CCDC85C: variants seen among roughly 807,000 people sequenced by gnomAD.
CCDC85C encodes the protein coiled-coil domain containing 85C.
A neutral mutation model predicts 38.3 loss-of-function variants in CCDC85C; 18 were observed. That is an observed-to-expected ratio of 0.47 (90% CI 0.33 to 0.70). The LOEUF is 0.70. Ranked by LOEUF, CCDC85C falls within the 30% of genes least tolerant of loss-of-function variation. The pLI is 0.03. For missense variants in CCDC85C, 566 were observed against 621.2 expected (o/e 0.91, Z 0.94); for synonymous variants, 264 against 293.8 (o/e 0.90, Z 1.04).
intron 1 of CCDC85C, among the ~76,000 whole-genome samples, chr14:99,602,049 T>G (rs2055204364): frequency 6.6e-6 from 1 of 152,130 alleles, no homozygotes; most frequent in African/African-American, 2.4e-5. Context: ...TTCTCTGAAT[T>G]AGGAAAGGCT....
rs1473138511 is a variant in CCDC85C at position 99,603,797 on chromosome 14, C to T, written c.163G>A (p.Asp55Asn). 19 of 1,525,580 alleles carry T rather than the reference C, an allele frequency of 1.2e-5. No individual in the cohort carries two copies. The highest frequency in any genetic ancestry group is 1.6e-5 in the Non-Finnish European group (18 of 1,142,476). 94.5% of individuals were successfully genotyped at this position (1,525,580 alleles called of 1,614,324 possible). ...LMLEHGGLMR[D>N]VNRRLQQHLL... ...TGCTGCTGCAGCCGCCGGTTCACGT[C>T]GCGCATCAGGCCGCCGTGCTCCAGC... The change falls in exon 1 of 6, where the codon GAC becomes AAC. Residue 55 changes from aspartate to asparagine, a missense_variant. Around this residue, in one of 3 missense-constraint regions of CCDC85C, gnomAD observed 269 missense variants for 308.2 expected, o/e 0.87. Coordinates refer to ENST00000380243, the MANE Select transcript of CCDC85C (RefSeq NM_001144995.2). This position sits in a 1 kb window ranked among gnomAD's most constrained non-coding sequence, Gnocchi z 7.5.
Position 99,503,831 on chromosome 14 carries a change from C to A in CCDC85C, c.*11415G>T. The A allele has an allele frequency of 1.7e-6, 1 of 591,080 alleles. No individual in the cohort carries two copies. 36.6% of individuals were successfully genotyped at this position (591,080 alleles called of 1,614,324 possible). Reference sequence around the variant, plus strand: ...TGATCATAGATTCTAAAATTGTGCTCTTACGAAGCTATCAGTACAGAAAAC... The same window carrying A: ...TGATCATAGATTCTAAAATTGTGCTATTACGAAGCTATCAGTACAGAAAAC... On this transcript the variant is annotated 3_prime_UTR_variant, in exon 6 of 6. Transcript: ENST00000380243.
At chr14:99,554,397 C>G (rs935920636) in intron 1 of CCDC85C, among the ~76,000 whole-genome samples, 3 of 152,244 alleles carry the variant, frequency 2.0e-5, no homozygotes, top group Non-Finnish European at 4.4e-5. Flanking sequence ...CCCGGCACAG[C>G]AGAAAGCCTG....
At chr14:99,549,828 A>T (rs972649214) in intron 1 of CCDC85C, among the ~76,000 whole-genome samples, 1 of 152,248 alleles carries the variant, frequency 6.6e-6, no homozygotes, top group African/African-American at 2.4e-5. Context: ...GGGAGGACAC[A>T]TTCTTCCAGC....
intron 1 of CCDC85C, among the ~76,000 whole-genome samples, chr14:99,602,354 C>G (rs1162143084): frequency 1.3e-5 from 2 of 152,290 alleles, no homozygotes; most frequent in East Asian, 1.9e-4. Flanking sequence ...AAAGTTCCTC[C>G]CACCCACACC....
intron 1 of CCDC85C, among the ~76,000 whole-genome samples, chr14:99,555,221 G>A (rs1049371171): frequency 6.6e-6 from 1 of 152,326 alleles, no homozygotes; most frequent in East Asian, 1.9e-4. Context: ...ACTGCCCCAA[G>A]CCAACTCCTG....
chr14:99,510,426 C>G lies in CCDC85C; in HGVS notation c.*4820G>C, dbSNP rs1331644229. On this transcript the variant is annotated 3_prime_UTR_variant, in exon 6 of 6. Transcript: ENST00000380243. The stretch of plus-strand genomic sequence containing the variant: ...GGGACCCTCCTACGGTGCCCTGCCC[C>G]CCGCCTACGGCCCACCTGCACACCT... The G allele has an allele frequency of 6.5e-7, 1 of 1,548,210 alleles. No homozygotes were observed.
rs1896886390 is a variant in CCDC85C at position 99,503,277 on chromosome 14, C to A, written c.*11969G>T. On this transcript the variant is annotated 3_prime_UTR_variant, in exon 6 of 6. Coordinates refer to ENST00000380243, the MANE Select transcript of CCDC85C (RefSeq NM_001144995.2). ...TGTCGTTGCCGTGTCCTAGCAGTGT[C>A]GTTGTGCATGCTGCTTCTGTGCAGC... 9 of 623,808 alleles carry A rather than the reference C, an allele frequency of 1.4e-5. 1 individual carries two copies. The South Asian group carries it at 1.6e-4, about 11-fold the overall frequency. 38.6% of individuals were successfully genotyped at this position (623,808 alleles called of 1,614,324 possible). A position where few individuals can be genotyped will look rare whatever the true frequency, so the allele number is the denominator to read the frequency against.
intron 1 of CCDC85C, among the ~76,000 whole-genome samples, chr14:99,568,321 C>T (rs551916845): frequency 1.7e-3 from 245 of 146,120 alleles, no homozygotes; most frequent in African/African-American, 5.5e-3. Flanking sequence ...GGCACGATCT[C>T]GGCTCACTAT....
At chr14:99,579,901 C>T (rs866888820) in intron 1 of CCDC85C, 2 of 343,304 alleles carry the variant, frequency 5.8e-6, no homozygotes, top group Middle Eastern at 3.9e-4. Flanking sequence ...TCGCCCAAGG[C>T]CAGGCCACCC....
intron 1 of CCDC85C, among the ~76,000 whole-genome samples, chr14:99,596,594 T>A (rs2055145685): frequency 6.6e-6 from 1 of 152,186 alleles, no homozygotes; most frequent in Non-Finnish European, 1.5e-5. Context: ...CCCAGAACCC[T>A]CTGCCTGTGA....
chr14:99,537,319 G>T (rs145938344), intron 1 of CCDC85C, among the ~76,000 whole-genome samples: 1 of 152,128 alleles, frequency 6.6e-6, no homozygotes, highest in African/African-American at 2.4e-5. Flanking sequence ...CCACCTCAGG[G>T]CTGGGGATGG....
chr14:99,503,260 C>T lies in CCDC85C; in HGVS notation c.*11986G>A, dbSNP rs1896885680. ...GTTCTGAAGCCTGTCGGTGTCGTTG[C>T]CGTGTCCTAGCAGTGTCGTTGTGCA... On this transcript the variant is annotated 3_prime_UTR_variant, in exon 6 of 6. Coordinates refer to ENST00000380243, the MANE Select transcript of CCDC85C (RefSeq NM_001144995.2). 41 of 639,732 alleles carry T rather than the reference C, an allele frequency of 6.4e-5. No individual in the cohort carries two copies. The highest frequency in any genetic ancestry group is 6.1e-4 in the South Asian group (35 of 57,548). The allele number at this position is 639,732 out of a possible 1,614,324, so 39.6% of individuals were successfully genotyped here. A position where few individuals can be genotyped will look rare whatever the true frequency, so the allele number is the denominator to read the frequency against.
intron 1 of CCDC85C, among the ~76,000 whole-genome samples, chr14:99,571,582 C>T (rs1044696525): frequency 6.6e-6 from 1 of 152,242 alleles, no homozygotes; most frequent in Non-Finnish European, 1.5e-5. Flanking sequence ...GCCCCTCCAC[C>T]ACTGGAAAGA....
At chr14:99,575,581 G>A (rs1898457065) in intron 1 of CCDC85C, among the ~76,000 whole-genome samples, 1 of 152,222 alleles carries the variant, frequency 6.6e-6, no homozygotes, top group African/African-American at 2.4e-5. Flanking sequence ...CCCCTTAAAT[G>A]GACAACAGGG....
chr14:99,522,558 C>T (rs989150425), intron 2 of CCDC85C: 1 of 222,242 alleles, frequency 4.5e-6, no homozygotes, highest in Non-Finnish European at 9.1e-6. Flanking sequence ...TCTCCCACCC[C>T]GTGACTCACC....
In CCDC85C at chr14:99,502,614, T is replaced by A; in HGVS notation, c.*12632A>T. The A allele has an allele frequency of 8.0e-7, 1 of 1,252,354 alleles. No homozygotes were observed. The highest frequency in any genetic ancestry group is 1.4e-5 in the South Asian group (1 of 70,566). 77.6% of individuals were successfully genotyped at this position (1,252,354 alleles called of 1,614,324 possible). ...AGATGGGGTGAGTTGTAAATGTGATTCATGCTTAGGTCCTCGTAGGGGTAT... is the reference window on the plus strand; with the variant it reads ...AGATGGGGTGAGTTGTAAATGTGATACATGCTTAGGTCCTCGTAGGGGTAT... On this transcript the variant is annotated 3_prime_UTR_variant, in exon 6 of 6. Coordinates refer to ENST00000380243, the MANE Select transcript of CCDC85C (RefSeq NM_001144995.2).
chr14:99,503,357 G>C lies in CCDC85C; in HGVS notation c.*11889C>G. 1 of 602,702 alleles carries C rather than the reference G, an allele frequency of 1.7e-6. No homozygotes were observed. The highest frequency in any genetic ancestry group is 2.0e-5 in the South Asian group (1 of 50,652). The allele number at this position is 602,702 out of a possible 1,614,324, so 37.3% of individuals were successfully genotyped here. The stretch of plus-strand genomic sequence containing the variant: ...TGCACCCAAGTGGTCCTGAAACTTA[G>C]TGTTTACTCAGAACTCACCATTCAG... On this transcript the variant is annotated 3_prime_UTR_variant, in exon 6 of 6. Coordinates refer to ENST00000380243, the MANE Select transcript of CCDC85C (RefSeq NM_001144995.2).
chr14:99,536,072 G>A lies in CCDC85C; in HGVS notation c.810C>T (p.Tyr270=), dbSNP rs544617718. Residue 270 remains tyrosine (Y), a synonymous_variant, in exon 2 of 6, where the codon TAC becomes TAT. Transcript: ENST00000380243. Reference sequence around the variant, plus strand: ...TCACTTTGCTCTCCAGTTGCCTGATGTAGGTGGATGAGGGATCTGGAAGGA... The same window carrying A: ...TCACTTTGCTCTCCAGTTGCCTGATATAGGTGGATGAGGGATCTGGAAGGA... ...PNGLHDPSST[Y]IRQLESKVRL... The A allele has an allele frequency of 1.9e-6, 3 of 1,551,202 alleles. No homozygotes were observed. Among genetic ancestry groups the A allele is most frequent in the South Asian group, 1.2e-5 (1 of 84,058 alleles).
Sources: gnomAD v4.1 joint callset for allele counts (sites outside exome capture counted in the v4.1 genomes callset) on GRCh38, gnomAD v4.1.1 for gene constraint, gnomAD v4.1.1 regional missense constraint, Gnocchi (gnomAD v3.1) non-coding constraint, MANE v1.5 for transcripts, NCBI Gene and HGNC (gene_info 2026-07-23, HGNC 2026-07-21) for gene names.